Variants in NUMB observed in about 807,000 individuals in gnomAD.
NUMB encodes the protein protein numb homolog.
A neutral mutation model predicts 59.7 loss-of-function variants in NUMB; 29 were observed. The observed-to-expected ratio is 0.49, with a 90% CI of 0.36 to 0.66. NUMB has a LOEUF of 0.66. Among genes scored for constraint, NUMB ranks in the 30% least tolerant of loss-of-function variants. NUMB has a pLI of 0.00. For synonymous variants in NUMB, 288 were observed against 288.2 expected, an observed-to-expected ratio of 1.00 and a Z score of 0.01; for missense variants, 723 against 822.0, an observed-to-expected ratio of 0.88 and a Z score of 1.47.
At position 73,385,400 on chromosome 14, in the gene NUMB, C is replaced by T. The variant is rs1249868696; in HGVS notation, c.-100-18419G>A. Among the ~76,000 whole-genome samples, 3 of 150,310 alleles carry T rather than the reference C, an allele frequency of 2.0e-5. No individual in the cohort carries two copies. In the East Asian group the frequency reaches 5.8e-4, roughly 29 times the overall value. On this transcript the variant is annotated intron_variant, in intron 2 of 12. Transcript: ENST00000555238. ...TGGGCTCAAGTGATCCTCCTGCCTC[C>T]CAAAGTCCTAGAATTATAGGTGTGA...
intron 2 of NUMB, among the ~76,000 whole-genome samples, chr14:73,396,696 A>G (rs994715046): frequency 5.3e-5 from 8 of 152,136 alleles, no homozygotes; most frequent in Admixed American, 2.6e-4. Flanking sequence ...TATGCAACTA[A>G]AGACCTTAAA....
intron 2 of NUMB, among the ~76,000 whole-genome samples, chr14:73,392,992 G>A (rs561990200): frequency 1.4e-4 from 21 of 152,246 alleles, no homozygotes; most frequent in Non-Finnish European, 1.2e-4. Context: ...CACTGCTTAC[G>A]TCAGATTCTG....
intron 2 of NUMB, among the ~76,000 whole-genome samples, chr14:73,390,022 T>C (rs1457813890): frequency 1.3e-5 from 2 of 151,912 alleles, no homozygotes; most frequent in African/African-American, 4.8e-5. Context: ...TTTTAAAAAA[T>C]AAAGGAAAAT....
At chr14:73,283,297 A>G (rs999269343) in intron 10 of NUMB, among the ~76,000 whole-genome samples, 1 of 152,228 alleles carries the variant, frequency 6.6e-6, no homozygotes, top group Non-Finnish European at 1.5e-5. Flanking sequence ...CTTTAGGCCT[A>G]GTTTCATCTG....
intron 4 of NUMB, among the ~76,000 whole-genome samples, chr14:73,331,661 G>A (rs1259213880): frequency 1.3e-5 from 2 of 152,186 alleles, no homozygotes; most frequent in Non-Finnish European, 2.9e-5. Flanking sequence ...GCACGACAAG[G>A]TGGAAGTAAT....
At chr14:73,295,085 T>TAA (rs1889689587) in intron 7 of NUMB, among the ~76,000 whole-genome samples, 1 of 81,306 alleles carries the variant, frequency 1.2e-5, no homozygotes, top group Non-Finnish European at 2.4e-5. Context: ...AAAAAAAAGG[T>TAA]AGGAACACTA....
At chr14:73,327,627 CATTATT>C (rs1214435187) in intron 4 of NUMB, among the ~76,000 whole-genome samples, 1 of 151,954 alleles carries the variant, frequency 6.6e-6, no homozygotes, top group Non-Finnish European at 1.5e-5. Context: ...AAAAGTACAT[CATTATT>C]GAGCAAAACT....
At chr14:73,428,852 A>C (rs1214443394) in intron 1 of NUMB, among the ~76,000 whole-genome samples, 2 of 152,148 alleles carry the variant, frequency 1.3e-5, no homozygotes, top group Non-Finnish European at 2.9e-5. Context: ...ATTTTCTGAG[A>C]TATTTCCAAA....
intron 6 of NUMB, among the ~76,000 whole-genome samples, chr14:73,306,571 C>T (rs570177468): frequency 1.3e-5 from 2 of 152,252 alleles, no homozygotes; most frequent in South Asian, 4.1e-4. Context: ...TCTCTCATCC[C>T]AATGTCCCTG....
At chr14:73,419,904 C>T (rs1035219382) in intron 1 of NUMB, among the ~76,000 whole-genome samples, 3 of 152,184 alleles carry the variant, frequency 2.0e-5, no homozygotes, top group Non-Finnish European at 4.4e-5. Context: ...CTTGCCCTGT[C>T]GCCCAGAATG....
chr14:73,400,747 AAAACCCG>A (rs1189575448), intron 2 of NUMB, among the ~76,000 whole-genome samples: 1 of 152,220 alleles, frequency 6.6e-6, no homozygotes, highest in Non-Finnish European at 1.5e-5. Context: ...GGCTTCCATA[AAAACCCG>A]AAAGGACAGG....
intron 4 of NUMB, among the ~76,000 whole-genome samples, chr14:73,327,577 G>A (rs182945830): frequency 2.0e-4 from 30 of 151,778 alleles, no homozygotes; most frequent in Non-Finnish European, 4.0e-4. Context: ...AATATGAGGC[G>A]GACTAGGAGG....
intron 1 of NUMB, among the ~76,000 whole-genome samples, chr14:73,422,105 C>G (rs1298234739): frequency 6.6e-6 from 1 of 151,310 alleles, no homozygotes; most frequent in Non-Finnish European, 1.5e-5. Flanking sequence ...GATTGCACCA[C>G]TACACCCCAG....
chr14:73,392,979 G>T (rs1045657307), intron 2 of NUMB, among the ~76,000 whole-genome samples: 1 of 151,992 alleles, frequency 6.6e-6, no homozygotes, highest in South Asian at 2.1e-4. Flanking sequence ...TGGGAGGAGG[G>T]GTCACTGCTT....
intron 4 of NUMB, among the ~76,000 whole-genome samples, chr14:73,344,073 T>A (rs1051933993): frequency 6.6e-6 from 1 of 152,228 alleles, no homozygotes; most frequent in African/African-American, 2.4e-5. Flanking sequence ...TCAGTTTTTG[T>A]CATTTATATA....
intron 3 of NUMB, among the ~76,000 whole-genome samples, chr14:73,358,154 C>T (rs1034630206): frequency 2.0e-5 from 3 of 152,010 alleles, no homozygotes; most frequent in Admixed American, 1.3e-4. Flanking sequence ...TAAATTATTG[C>T]TTTAAACAAT....
chr14:73,367,774 C>CAAAA lies in NUMB; in HGVS notation c.-100-797_-100-794dup, dbSNP rs11463575. Among the ~76,000 whole-genome samples the CAAAA allele has an allele frequency of 1.4e-3, 157 of 111,806 alleles. 2 individuals carry two copies. Among genetic ancestry groups the CAAAA allele is most frequent in the Middle Eastern group, 4.7e-3 (1 of 212 alleles). 73.3% of individuals were successfully genotyped at this position (111,806 alleles called of 152,430 possible). A position where few individuals can be genotyped will look rare whatever the true frequency, so the allele number is the denominator to read the frequency against. On this transcript the variant is annotated intron_variant, in intron 2 of 12. Coordinates refer to ENST00000555238, the MANE Select transcript of NUMB (RefSeq NM_001005743.2). ...TGGACAACAGAGTGAGACCCTGTTT[C>CAAAA]AAAAAAAAAAAAAAAAAAGATGGAT...
chr14:73,392,638 C>G (rs1288712965), intron 2 of NUMB, among the ~76,000 whole-genome samples: 1 of 152,196 alleles, frequency 6.6e-6, no homozygotes, highest in Non-Finnish European at 1.5e-5. Context: ...ACACAGATCT[C>G]TAAGTCTAGC....
rs1293298218 is a variant in NUMB, at chr14:73,382,459, AAAGT to A, written c.-100-15482_-100-15479del. Among the ~76,000 whole-genome samples the A allele has an allele frequency of 1.4e-4, 22 of 152,056 alleles. No individual in the cohort carries two copies. In the South Asian group the frequency reaches 4.4e-3, roughly 30 times the overall value. Reference sequence around the variant, plus strand: ...CCTATTTTTATAGCAAAAAAAAAAAAAAGTAAGCAGAACTTTAGGTAGTCTCACA... The same window carrying A: ...CCTATTTTTATAGCAAAAAAAAAAAAAAGCAGAACTTTAGGTAGTCTCACA... On this transcript the variant is annotated intron_variant, in intron 2 of 12. Transcript: ENST00000555238.
Sources: allele counts gnomAD v4.1 joint callset (sites outside exome capture counted in the v4.1 genomes callset), GRCh38; gene constraint gnomAD v4.1.1; transcripts MANE v1.5; gene names NCBI Gene and HGNC (gene_info 2026-07-23, HGNC 2026-07-21).